The following INTS4 variants were observed in gnomAD, a reference collection of about 807,000 sequenced individuals.
INTS4 encodes the protein MSTP093.
INTS4 carries 70 observed loss-of-function variants against 119.5 expected under a neutral mutation model. The ratio of observed to expected loss-of-function variants is 0.59; its 90% CI spans 0.48 to 0.71. INTS4 has a LOEUF of 0.71. Ranked by LOEUF, INTS4 falls within the 30% of genes least tolerant of loss-of-function variation. The probability of loss-of-function intolerance (pLI) is 0.00; values close to 1 mark genes in which losing one functional copy is unlikely to be tolerated. For synonymous variants in INTS4, 316 were observed against 419.6 expected (o/e 0.75, Z 3.02); for missense variants, 867 against 1,173.2 (o/e 0.74, Z 3.81).
intron 22 of INTS4, among the ~76,000 whole-genome samples, chr11:77,880,025 T>A (rs150421891): frequency 1.3e-3 from 193 of 152,286 alleles, no homozygotes; most frequent in African/African-American, 4.4e-3. Context: ...ACTGAAGCAG[T>A]TACTCATTCT....
intron 18 of INTS4, among the ~76,000 whole-genome samples, chr11:77,898,009 C>T (rs376116230): frequency 6.6e-6 from 1 of 152,138 alleles, no homozygotes; most frequent in East Asian, 1.9e-4. Flanking sequence ...GACAGGGTCT[C>T]ATTATGTTGC....
At chr11:77,979,453 C>A (rs1029641600) in intron 3 of INTS4, among the ~76,000 whole-genome samples, 5 of 151,564 alleles carry the variant, frequency 3.3e-5, no homozygotes, top group African/African-American at 1.2e-4. Flanking sequence ...CCAGCCTGGG[C>A]AACAGAGCGA....
intron 4 of INTS4, among the ~76,000 whole-genome samples, chr11:77,975,975 C>A (rs979474205): frequency 6.7e-6 from 1 of 149,512 alleles, no homozygotes. Flanking sequence ...AAAGGAACCT[C>A]CACAAACGAT....
At chr11:77,901,078 A>G (rs1952762900) in intron 18 of INTS4, among the ~76,000 whole-genome samples, 1 of 152,224 alleles carries the variant, frequency 6.6e-6, no homozygotes, top group Admixed American at 6.5e-5. Flanking sequence ...TCCCTTCAGA[A>G]CAGAAAAAGT....
chr11:77,877,078 G>A (rs141483463), downstream of INTS4: 20 of 702,032 alleles, frequency 2.8e-5, no homozygotes, highest in African/African-American at 3.5e-4. Flanking sequence ...TCAGCTCCCT[G>A]GAGTTAATCA....
At chr11:77,954,848 C>G (rs582582) in intron 8 of INTS4, among the ~76,000 whole-genome samples, 59,786 of 151,938 alleles carry the variant, frequency 0.39, 12,039 homozygotes, top group African/African-American at 0.45. Context: ...GGTCCACAGC[C>G]TGGGGGTTTG....
intron 18 of INTS4, among the ~76,000 whole-genome samples, chr11:77,899,669 TAAAAGAAAAAA>T (rs1952692658): frequency 6.7e-6 from 1 of 149,398 alleles, no homozygotes. Flanking sequence ...AGACTTTGTC[TAAAAGAAAAAA>T]AAAAGAAAAA....
intron 6 of INTS4, among the ~76,000 whole-genome samples, chr11:77,959,784 G>A (rs1000588107): frequency 4.6e-5 from 7 of 152,122 alleles, no homozygotes; most frequent in Non-Finnish European, 5.9e-5. Context: ...ATCTCTGAAC[G>A]TGGATTTAGA....
chr11:77,994,272 G>A (rs1205274509), intron 1 of INTS4, among the ~76,000 whole-genome samples: 1 of 152,062 alleles, frequency 6.6e-6, no homozygotes, highest in Admixed American at 6.6e-5. Context: ...GTCCACATCT[G>A]GAAAACGAGG....
chr11:77,878,807 T>C lies in INTS4; in HGVS notation c.*142A>G, dbSNP rs1951680788. 4.0e-6 allele frequency: 3 copies of C among 752,996 alleles called. No homozygotes were observed. Among genetic ancestry groups the C allele is most frequent in the Admixed American group, 4.1e-5 (2 of 49,072 alleles). 46.6% of individuals were successfully genotyped at this position (752,996 alleles called of 1,614,324 possible). A position where few individuals can be genotyped will look rare whatever the true frequency, so the allele number is the denominator to read the frequency against. On this transcript the variant is annotated 3_prime_UTR_variant, in exon 23 of 23. Transcript: ENST00000534064. ...TTTTTAATGAAGAAACAATTTATCC[T>C]GTGTTTGATACCAGATGAGACTGTA...
intron 16 of INTS4, among the ~76,000 whole-genome samples, chr11:77,905,107 C>T (rs1055596906): frequency 6.6e-6 from 1 of 152,006 alleles, no homozygotes; most frequent in African/African-American, 2.4e-5. Flanking sequence ...GACTATCTGC[C>T]CTCAATGTTG....
chr11:77,978,969 G>A, intron 4 of INTS4, 27 bp downstream of exon 4: 1 of 1,415,524 alleles, frequency 7.1e-7, no homozygotes. Context: ...AGTTTAGGAT[G>A]GATCTGAATA....
intron 7 of INTS4, among the ~76,000 whole-genome samples, chr11:77,957,263 G>A (rs1018786737): frequency 6.6e-6 from 1 of 152,054 alleles, no homozygotes. Context: ...ATAAAAGTGT[G>A]TAACCCACCA....
chr11:77,937,898 A>G (rs919983217), intron 10 of INTS4, among the ~76,000 whole-genome samples: 2 of 151,916 alleles, frequency 1.3e-5, no homozygotes, highest in African/African-American at 4.8e-5. Context: ...CTCAGGCTGG[A>G]GTGCAGTGGC....
chr11:77,926,191 A>G (rs535963373), intron 11 of INTS4, among the ~76,000 whole-genome samples: 7 of 147,094 alleles, frequency 4.8e-5, no homozygotes, highest in Non-Finnish European at 8.9e-5. Flanking sequence ...CATAGCAGGA[A>G]AAAAAAAAGG....
chr11:77,940,497 C>T (rs1369694223), intron 9 of INTS4, among the ~76,000 whole-genome samples: 1 of 152,124 alleles, frequency 6.6e-6, no homozygotes, highest in African/African-American at 2.4e-5. Context: ...AAAGGCTTTA[C>T]TCAGTCTTCC....
intron 18 of INTS4, among the ~76,000 whole-genome samples, chr11:77,897,578 G>A (rs1952581916): frequency 1.3e-5 from 2 of 151,218 alleles, no homozygotes; most frequent in South Asian, 4.2e-4. Context: ...TCAGCTCACT[G>A]CAAGCTCCAC....
chr11:77,949,352 G>C (rs1954129225), intron 8 of INTS4, among the ~76,000 whole-genome samples: 2 of 152,066 alleles, frequency 1.3e-5, no homozygotes, highest in Admixed American at 1.3e-4. Flanking sequence ...TGGCAACGAA[G>C]CCAAAATTGA....
chr11:77,907,722 T>A lies in INTS4; in HGVS notation c.2011A>T (p.Ile671Phe). 1 of 1,611,266 alleles carries A rather than the reference T, an allele frequency of 6.2e-7. No homozygotes were observed. The highest frequency in any genetic ancestry group is 8.5e-7 in the Non-Finnish European group (1 of 1,177,632). ...TGGAATGGATGCAAACCAACCTTGA[T>A]GAGAAGTAGTTGACAGCGAAGATAG... ...ATYLRCQLLL[I>F]KALQEKLWNV... Residue 671 changes from isoleucine (I) to phenylalanine (F), a missense_variant, in exon 16 of 23, where the codon ATC becomes TTC. By Grantham distance (21) the Ile-to-Phe change is conservative. This residue lies in a region of INTS4 where 262 missense variants were observed against 376.0 expected (regional missense o/e 0.70). Transcript: ENST00000534064.
Sources: gnomAD v4.1 joint callset for allele counts (sites outside exome capture counted in the v4.1 genomes callset) on GRCh38, gnomAD v4.1.1 for gene constraint, gnomAD v4.1.1 regional missense constraint, MANE v1.5 for transcripts, NCBI Gene and HGNC (gene_info 2026-07-23, HGNC 2026-07-21) for gene names.